NDUFS1: variants seen among roughly 807,000 people sequenced by gnomAD.
NDUFS1 encodes NADH:ubiquinone oxidoreductase core subunit S1.
Under a neutral mutation model 84.4 loss-of-function variants are expected in NDUFS1, and 61 were observed. The ratio of observed to expected loss-of-function variants is 0.72; its 90% CI spans 0.59 to 0.89. The LOEUF is 0.89. Ranked by LOEUF, NDUFS1 falls within the 40% of genes least tolerant of loss-of-function variation. NDUFS1 has a pLI of 0.00. For synonymous variants in NDUFS1, 275 were observed against 290.0 expected (o/e 0.95, Z 0.53); for missense variants, 891 against 890.0 (o/e 1.00, Z -0.01).
Position 206,116,570 on chromosome 2 carries a change from C to T in NDUFS1, c.*7615G>A. 2 of 604,488 alleles carry T rather than the reference C, an allele frequency of 3.3e-6. No homozygotes were observed. Among genetic ancestry groups the T allele is most frequent in the Middle Eastern group, 4.6e-4 (1 of 2,182 alleles). The allele number at this position is 604,488 out of a possible 1,614,324, so 37.4% of individuals were successfully genotyped here. A position where few individuals can be genotyped will look rare whatever the true frequency, so the allele number is the denominator to read the frequency against. On this transcript the variant is annotated 3_prime_UTR_variant, in exon 19 of 19. Transcript: ENST00000233190. ...GCGCGGGGAGGCGGGGCGGTGTGGG[C>T]AGAAGTAAATTTCTTTATAAATTAC...
intron 2 of NDUFS1, 140 bp downstream of exon 2, chr2:206,153,478 G>A: frequency 1.7e-6 from 1 of 601,370 alleles, no homozygotes. Flanking sequence ...TTACAGGCAT[G>A]AGCCACCACA....
rs937887664 is a variant in NDUFS1, at chr2:206,118,117, A to G, written c.*6068T>C. The G allele has an allele frequency of 1.3e-5, 2 of 152,212 alleles. No individual in the cohort carries two copies. Among genetic ancestry groups the G allele is most frequent in the Non-Finnish European group, 2.9e-5 (2 of 68,040 alleles). The allele number at this position is 152,212 out of a possible 1,614,324, so 9.4% of individuals were successfully genotyped here. ...ATATCAGATGTTTTGAGTATCAGCA[A>G]TAGGTAAGTCAATCTCTAAACATTT... is the stretch of plus-strand genomic sequence containing the variant. On this transcript the variant is annotated 3_prime_UTR_variant, in exon 19 of 19. Coordinates refer to ENST00000233190, the MANE Select transcript of NDUFS1 (RefSeq NM_005006.7).
Position 206,132,957 on chromosome 2 carries a change from T to A in NDUFS1, c.1541A>T (p.Asn514Ile). 2.5e-6 allele frequency: 4 copies of A among 1,613,662 alleles called. No homozygotes were observed. Among genetic ancestry groups the A allele is most frequent in the Non-Finnish European group, 3.4e-6 (4 of 1,179,684 alleles). ...SGVTGDWKVM[N>I]ILHRIASQVA... ...TTACTCAACAAACCTATGAAGGATATTCATAACTTTCCAATCACCAGTAAC... is the reference window on the plus strand; with the variant it reads ...TTACTCAACAAACCTATGAAGGATAATCATAACTTTCCAATCACCAGTAAC... The change falls in exon 14 of 19, where the codon AAT becomes ATT. Residue 514 changes from asparagine to isoleucine, a missense_variant. Coordinates refer to ENST00000233190, the MANE Select transcript of NDUFS1 (RefSeq NM_005006.7).
Position 206,117,187 on chromosome 2 carries a change from A to T in NDUFS1, c.*6998T>A, listed in dbSNP as rs1173296739. The T allele has an allele frequency of 6.6e-6, 1 of 152,228 alleles. No individual in the cohort carries two copies. The highest frequency in any genetic ancestry group is 2.4e-5 in the African/African-American group (1 of 41,452). The allele number at this position is 152,228 out of a possible 1,614,324, so 9.4% of individuals were successfully genotyped here. A position where few individuals can be genotyped will look rare whatever the true frequency, so the allele number is the denominator to read the frequency against. ...CCAGCCTGGGTGACAGAGTTGCCTC[A>T]ATCAGTCAATCAATCAACCCATCAC... is the stretch of plus-strand genomic sequence containing the variant. On this transcript the variant is annotated 3_prime_UTR_variant, in exon 19 of 19. Transcript: ENST00000233190.
At chr2:206,147,976 G>A (rs1256521340) in intron 5 of NDUFS1, 142 bp from the exon 6 acceptor site, 5 of 782,320 alleles carry the variant, frequency 6.4e-6, no homozygotes, top group African/African-American at 1.7e-5. Context: ...GCAGTGCAGT[G>A]GCACAATCTT....
In NDUFS1 at chr2:206,124,234, T is replaced by C. The variant is rs576454844; in HGVS notation, c.2135A>G (p.Lys712Arg). ...RASQTMAKCV[K>R]AVTEGAQAVE... ...TGCCTGGGCACCCTCTGTGACAGCTTTGACACATTTGGCCATTGTCTGTGA... is the reference window on the plus strand; with the variant it reads ...TGCCTGGGCACCCTCTGTGACAGCTCTGACACATTTGGCCATTGTCTGTGA... Residue 712 changes from lysine to arginine, a missense_variant, in exon 19 of 19, where the codon AAA (lysine) becomes AGA (arginine). Transcript: ENST00000233190. 2.7e-4 allele frequency: 440 copies of C among 1,613,688 alleles called. 3 individuals are homozygous for C. The South Asian group carries it at 4.6e-3, about 17-fold the overall frequency.
rs1692264917 is a variant in NDUFS1, at chr2:206,149,009, C to G, written c.338+11G>C. ...TATGAAAGGGTACTACATTGAATAA[C>G]AATAAAGTACCTGGCTTTTTTGGAT... On this transcript the variant is annotated intron_variant, in intron 5 of 18. Transcript: ENST00000233190. 1 of 1,592,292 alleles carries G rather than the reference C, an allele frequency of 6.3e-7. No homozygotes were observed. Among genetic ancestry groups the G allele is most frequent in the Non-Finnish European group, 8.6e-7 (1 of 1,160,728 alleles).
At chr2:206,140,482 T>TA (rs377164089) in intron 12 of NDUFS1, among the ~76,000 whole-genome samples, 130 of 151,118 alleles carry the variant, frequency 8.6e-4, no homozygotes, top group African/African-American at 3.0e-3. Context: ...CCAAAAAAAC[T>TA]AAATTTCTTT....
At chr2:206,134,714 T>C (rs934567759) in intron 13 of NDUFS1, among the ~76,000 whole-genome samples, 2 of 152,090 alleles carry the variant, frequency 1.3e-5, no homozygotes, top group African/African-American at 4.8e-5. Context: ...GGTTGGCTCA[T>C]GCTTGTAATC....
rs184464915 is a variant in NDUFS1 at position 206,156,777 on chromosome 2, G to A, written c.-5+2564C>T. The stretch of plus-strand genomic sequence containing the variant: ...TCATTAATTAAGAATATGTGATACT[G>A]AAATTGCAAATATCCAATCTGTTTC... On this transcript the variant is annotated intron_variant, in intron 1 of 18. Coordinates refer to ENST00000233190, the MANE Select transcript of NDUFS1 (RefSeq NM_005006.7). Among the ~76,000 whole-genome samples, 112 of 152,318 alleles carry A rather than the reference G, an allele frequency of 7.4e-4. 1 individual carries two copies. Among genetic ancestry groups the A allele is most frequent in the Non-Finnish European group, 1.2e-3 (82 of 68,034 alleles).
chr2:206,127,965 A>G lies in NDUFS1; in HGVS notation c.1716T>C (p.His572=), dbSNP rs1276259990. The G allele has an allele frequency of 1.2e-6, 2 of 1,614,124 alleles. No individual in the cohort carries two copies. Among genetic ancestry groups the G allele is most frequent in the Non-Finnish European group, 1.7e-6 (2 of 1,180,002 alleles). Residue 572 remains histidine (H), a synonymous_variant, in exon 16 of 19, where the codon CAT becomes CAC. Coordinates refer to ENST00000233190, the MANE Select transcript of NDUFS1 (RefSeq NM_005006.7). ...KDCFIIYQGH[H]GDVGAPIADV... ...CAGCTATGGGAGCCCCAACATCACCATGATGTCCTGCACAAAGATGGAAAA... is the reference window on the plus strand; with the variant it reads ...CAGCTATGGGAGCCCCAACATCACCGTGATGTCCTGCACAAAGATGGAAAA...
Position 206,122,734 on chromosome 2 carries a change from A to G in NDUFS1, c.*1451T>C, listed in dbSNP as rs1481184450. ...ATTACAAAACAAATAAATTGTGAAC[A>G]TAGTTTTGTTTGTTTGTTTGAAACA... On this transcript the variant is annotated 3_prime_UTR_variant, in exon 19 of 19. Coordinates refer to ENST00000233190, the MANE Select transcript of NDUFS1 (RefSeq NM_005006.7). The G allele has an allele frequency of 6.6e-6, 1 of 152,010 alleles. No individual in the cohort carries two copies. Among genetic ancestry groups the G allele is most frequent in the Non-Finnish European group, 1.5e-5 (1 of 68,002 alleles). 9.4% of individuals were successfully genotyped at this position (152,010 alleles called of 1,614,324 possible).
chr2:206,150,386 T>C (rs1334374055), intron 3 of NDUFS1, among the ~76,000 whole-genome samples: 1 of 152,226 alleles, frequency 6.6e-6, no homozygotes, highest in African/African-American at 2.4e-5. Flanking sequence ...GCTGAAGGTT[T>C]TCCCAGTTTC....
chr2:206,116,527 G>A lies in NDUFS1; in HGVS notation c.*7658C>T. 2 of 1,081,358 alleles carry A rather than the reference G, an allele frequency of 1.8e-6. No individual in the cohort carries two copies. Among genetic ancestry groups the A allele is most frequent in the East Asian group, 2.6e-5 (1 of 38,060 alleles). 67.0% of individuals were successfully genotyped at this position (1,081,358 alleles called of 1,614,324 possible). On this transcript the variant is annotated 3_prime_UTR_variant, in exon 19 of 19. Transcript: ENST00000233190. ...TTCCCAGGGGTGCGGGGATGGCAGC[G>A]CTACGCCTCAGCCACTCGCGCGGGG...
At chr2:206,140,878 A>G (rs1691910382) in intron 12 of NDUFS1, among the ~76,000 whole-genome samples, 1 of 150,974 alleles carries the variant, frequency 6.6e-6, no homozygotes, top group Admixed American at 6.6e-5. Flanking sequence ...AAACTTCCAA[A>G]TGATTCAGAA....
intron 1 of NDUFS1, among the ~76,000 whole-genome samples, chr2:206,158,048 C>T (rs1385334216): frequency 6.6e-6 from 1 of 151,032 alleles, no homozygotes; most frequent in Non-Finnish European, 1.5e-5. Flanking sequence ...ACTGCAAGCC[C>T]CGCCACCCGG....
At chr2:206,136,839 T>G (rs183323175) in intron 13 of NDUFS1, among the ~76,000 whole-genome samples, 2 of 151,774 alleles carry the variant, frequency 1.3e-5, no homozygotes, top group African/African-American at 4.8e-5. Context: ...CACCACAACC[T>G]CCACCTCTCA....
At chr2:206,148,306 T>C (rs1559061381) in intron 5 of NDUFS1, among the ~76,000 whole-genome samples, 1 of 152,192 alleles carries the variant, frequency 6.6e-6, no homozygotes, top group Non-Finnish European at 1.5e-5. Context: ...ATATCAGAAA[T>C]GCCAATTATC....
At chr2:206,153,952 G>T (rs866306308) in intron 1 of NDUFS1, among the ~76,000 whole-genome samples, 9 of 152,104 alleles carry the variant, frequency 5.9e-5, no homozygotes, top group Middle Eastern at 3.2e-3. Flanking sequence ...AAAAAAAAAT[G>T]ACATAGAAAG....
Sources: allele counts gnomAD v4.1 joint callset (sites outside exome capture counted in the v4.1 genomes callset), GRCh38; gene constraint gnomAD v4.1.1; transcripts MANE v1.5; gene names NCBI Gene and HGNC (gene_info 2026-07-23, HGNC 2026-07-21).